The following FLRT2 variants were observed in gnomAD, a reference collection of about 807,000 sequenced individuals.
FLRT2 encodes fibronectin leucine rich transmembrane protein 2, also known as leucine-rich repeat transmembrane protein FLRT2.
A neutral mutation model predicts 40.0 loss-of-function variants in FLRT2; 15 were observed. The ratio of observed to expected loss-of-function variants is 0.38; its 90% CI spans 0.25 to 0.58. FLRT2 has a LOEUF of 0.58. FLRT2 is among the 20% of genes least tolerant of loss of function. The pLI, the probability that FLRT2 is intolerant of heterozygous loss-of-function variation, is 0.71. For missense variants in FLRT2, 726 were observed against 840.0 expected (o/e 0.86, Z 1.68); for synonymous variants, 380 against 336.8 (o/e 1.13, Z -1.41).
intron 1 of FLRT2, among the ~76,000 whole-genome samples, chr14:85,610,851 G>A (rs1394677127): frequency 1.3e-5 from 2 of 152,056 alleles, no homozygotes; most frequent in East Asian, 1.9e-4. Context: ...CCTTCATGAC[G>A]TTGCTTACAA....
In FLRT2 at chr14:85,641,820, A is replaced by G. The variant is rs557860596; in HGVS notation, c.*18323A>G. 6.6e-6 allele frequency: 1 copy of G among 152,122 alleles called. No individual in the cohort carries two copies. The highest frequency in any genetic ancestry group is 1.9e-4 in the East Asian group (1 of 5,154). The allele number at this position is 152,122 out of a possible 1,614,324, so 9.4% of individuals were successfully genotyped here. A position where few individuals can be genotyped will look rare whatever the true frequency, so the allele number is the denominator to read the frequency against. The stretch of plus-strand genomic sequence containing the variant: ...TTTGAAAGTAGAGACAATCTTATTC[A>G]TGCATAATGGATCACTGATAATTTT... On this transcript the variant is annotated 3_prime_UTR_variant, in exon 2 of 2. Coordinates refer to ENST00000330753, the MANE Select transcript of FLRT2 (RefSeq NM_013231.6).
intron 1 of FLRT2, among the ~76,000 whole-genome samples, chr14:85,570,918 G>A (rs1162645760): frequency 6.6e-6 from 1 of 152,124 alleles, no homozygotes; most frequent in South Asian, 2.1e-4. Context: ...AACAACTCTG[G>A]TGGCTTAATG....
At chr14:85,540,013 G>A (rs1376087582) in intron 1 of FLRT2, among the ~76,000 whole-genome samples, 2 of 152,022 alleles carry the variant, frequency 1.3e-5, no homozygotes, top group African/African-American at 4.8e-5. Flanking sequence ...AGGGTGAGTT[G>A]AGTTCAAGGG....
At chr14:85,568,772 AC>A (rs1363549254) in intron 1 of FLRT2, among the ~76,000 whole-genome samples, 1 of 151,876 alleles carries the variant, frequency 6.6e-6, no homozygotes, top group East Asian at 1.9e-4. Context: ...TTCTTCTCTC[AC>A]CTACTTAACT....
chr14:85,584,833 C>A lies in FLRT2; in HGVS notation c.-376-36306C>A, dbSNP rs1036237701. 8.7e-5 allele frequency among the ~76,000 whole-genome samples: 13 copies of A among 149,732 alleles called. No individual in the cohort carries two copies. The South Asian group carries it at 2.5e-3, about 29-fold the overall frequency. On this transcript the variant is annotated intron_variant, in intron 1 of 1. Transcript: ENST00000330753. Reference sequence around the variant, plus strand: ...GCTGGCCCTACCTTAGCCAAGCCTTCTGTGTGGGAGCTATATGAGGCTTTT... The same window carrying A: ...GCTGGCCCTACCTTAGCCAAGCCTTATGTGTGGGAGCTATATGAGGCTTTT...
At chr14:85,565,730 A>C (rs1340004545) in intron 1 of FLRT2, among the ~76,000 whole-genome samples, 1 of 152,218 alleles carries the variant, frequency 6.6e-6, no homozygotes, top group African/African-American at 2.4e-5. Flanking sequence ...TAGCATTAAA[A>C]GAATCCTAGA....
chr14:85,578,338 T>A (rs1429313517), intron 1 of FLRT2, among the ~76,000 whole-genome samples: 1 of 151,752 alleles, frequency 6.6e-6, no homozygotes, highest in Non-Finnish European at 1.5e-5. Context: ...GTGTGACTTG[T>A]GCCAGACCAA....
intron 1 of FLRT2, among the ~76,000 whole-genome samples, chr14:85,610,515 C>T (rs1189949399): frequency 1.3e-5 from 2 of 152,178 alleles, no homozygotes; most frequent in Non-Finnish European, 2.9e-5. Flanking sequence ...AAAGATTTGC[C>T]TGTTTAAGTC....
At chr14:85,540,650 T>A (rs1316981118) in intron 1 of FLRT2, among the ~76,000 whole-genome samples, 1 of 152,120 alleles carries the variant, frequency 6.6e-6, no homozygotes, top group Non-Finnish European at 1.5e-5. Flanking sequence ...AGGTATGAAG[T>A]CTGTATCCAA....
rs1893826525 is a variant in FLRT2, at chr14:85,630,103, T to G, written c.*6606T>G. On this transcript the variant is annotated 3_prime_UTR_variant, in exon 2 of 2. Transcript: ENST00000330753. ...TCTATTAGGGCATTAGTAAACTGGC[T>G]TCTGAATTTATGCTCTTTTTTTTTC... 1 of 152,142 alleles carries G rather than the reference T, an allele frequency of 6.6e-6. No homozygotes were observed. Among genetic ancestry groups the G allele is most frequent in the Non-Finnish European group, 1.5e-5 (1 of 68,028 alleles). 9.4% of individuals were successfully genotyped at this position (152,142 alleles called of 1,614,324 possible).
chr14:85,573,721 G>A (rs1249739648), intron 1 of FLRT2, among the ~76,000 whole-genome samples: 1 of 152,164 alleles, frequency 6.6e-6, no homozygotes, highest in Non-Finnish European at 1.5e-5. Context: ...CTAATTTAGG[G>A]TGAGAATGAT....
At chr14:85,552,012 C>T (rs372712579) in intron 1 of FLRT2, among the ~76,000 whole-genome samples, 10 of 152,112 alleles carry the variant, frequency 6.6e-5, no homozygotes, top group African/African-American at 2.2e-4. Context: ...CAACTCTTGC[C>T]ATGAATTGGA....
intron 1 of FLRT2, among the ~76,000 whole-genome samples, chr14:85,535,904 T>TG (rs1566714012): frequency 1.7e-4 from 13 of 76,884 alleles, no homozygotes; most frequent in Admixed American, 1.5e-3. Context: ...TTTTTTTTTT[T>TG]TTTTTTTTTT....
At chr14:85,586,957 T>C (rs952491791) in intron 1 of FLRT2, among the ~76,000 whole-genome samples, 1 of 152,172 alleles carries the variant, frequency 6.6e-6, no homozygotes, top group Non-Finnish European at 1.5e-5. Context: ...TAGGTGGAGC[T>C]GGTTTTCCTT....
chr14:85,643,863 A>G lies in FLRT2; in HGVS notation c.*20366A>G, dbSNP rs1051846749. The G allele has an allele frequency of 1.3e-5, 2 of 152,182 alleles. No homozygotes were observed. The highest frequency in any genetic ancestry group is 4.8e-5 in the African/African-American group (2 of 41,432). 9.4% of individuals were successfully genotyped at this position (152,182 alleles called of 1,614,324 possible). ...ACAACATTTAGTCCAGTTGCAGCAGAGTGGTTGTGGTTTTTATTATAAGCA... is the reference window on the plus strand; with the variant it reads ...ACAACATTTAGTCCAGTTGCAGCAGGGTGGTTGTGGTTTTTATTATAAGCA... On this transcript the variant is annotated 3_prime_UTR_variant, in exon 2 of 2. Coordinates refer to ENST00000330753, the MANE Select transcript of FLRT2 (RefSeq NM_013231.6).
rs1894204742 is a variant in FLRT2 at position 85,643,333 on chromosome 14, TTC to T, written c.*19838_*19839del. The T allele has an allele frequency of 1.7e-5, 2 of 117,630 alleles. No homozygotes were observed. The highest frequency in any genetic ancestry group is 3.5e-5 in the African/African-American group (1 of 28,402). 7.3% of individuals were successfully genotyped at this position (117,630 alleles called of 1,614,324 possible). A position where few individuals can be genotyped will look rare whatever the true frequency, so the allele number is the denominator to read the frequency against. ...TTTCTTTCTTTCTTTCTTTCTTTCT[TTC>T]TTTCTTTCTTTCTTTCTTTCTTCCT... On this transcript the variant is annotated 3_prime_UTR_variant, in exon 2 of 2. Transcript: ENST00000330753.
chr14:85,582,130 C>CATA (rs1891415131), intron 1 of FLRT2, among the ~76,000 whole-genome samples: 1 of 152,164 alleles, frequency 6.6e-6, no homozygotes, highest in Non-Finnish European at 1.5e-5. Flanking sequence ...TATGTAGATC[C>CATA]TGCTCTTAGA....
intron 1 of FLRT2, among the ~76,000 whole-genome samples, chr14:85,585,143 A>G (rs988081240): frequency 2.0e-5 from 3 of 152,050 alleles, no homozygotes; most frequent in Non-Finnish European, 2.9e-5. Context: ...ACTACCTACA[A>G]GGTTGGAGGT....
rs1315137927 is a variant in FLRT2, at chr14:85,635,804, C to G, written c.*12307C>G. 2 of 152,076 alleles carry G rather than the reference C, an allele frequency of 1.3e-5. No individual in the cohort carries two copies. The highest frequency in any genetic ancestry group is 2.9e-5 in the Non-Finnish European group (2 of 67,960). The allele number at this position is 152,076 out of a possible 1,614,324, so 9.4% of individuals were successfully genotyped here. On this transcript the variant is annotated 3_prime_UTR_variant, in exon 2 of 2. Transcript: ENST00000330753. ...ATACTTTTATAAAACCACTACTTAG[C>G]AGCTAACAATGAAATGTTCATTTCA...
Sources: allele counts gnomAD v4.1 joint callset (sites outside exome capture counted in the v4.1 genomes callset), GRCh38; gene constraint gnomAD v4.1.1; transcripts MANE v1.5; gene names NCBI Gene and HGNC (gene_info 2026-07-23, HGNC 2026-07-21).